The following DMD variants were observed in gnomAD, a reference collection of about 807,000 sequenced individuals.
DMD encodes the protein mutant dystrophin.
DMD carries 63 observed loss-of-function variants against 330.1 expected under a neutral mutation model. The ratio of observed to expected loss-of-function variants is 0.19; its 90% CI spans 0.16 to 0.24. The LOEUF (loss-of-function observed/expected upper bound fraction) is 0.24, where lower values mean the gene tolerates loss of function less well. Ranked by LOEUF, DMD falls within the 10% of genes least tolerant of loss-of-function variation. The pLI is 1.00. For missense variants in DMD, 3,344 were observed against 2,684.1 expected, an observed-to-expected ratio of 1.25 and a Z score of -5.43; for synonymous variants, 1,223 against 959.8, an observed-to-expected ratio of 1.27 and a Z score of -5.07.
chrX:33,169,685 T>C (rs751376067), intron 1 of DMD, among the ~76,000 whole-genome samples: 1 of 111,954 alleles, frequency 8.9e-6, no homozygotes, highest in South Asian at 3.6e-4. Context: ...TTTTTATTTG[T>C]ATTTCCTTTT....
rs1481445275 is a variant in DMD at position 32,483,164 on chromosome X, T to TATATATATATAC, written c.2803+1754_2803+1755insGTATATATATAT. Reference sequence around the variant, plus strand: ...TTCATTCCATATATATATATATATATACACCATATTTAATTAAAGGGTTAT... The same window carrying TATATATATATAC: ...TTCATTCCATATATATATATATATATATATATATATACACACCATATTTAATTAAAGGGTTAT... On this transcript the variant is annotated intron_variant, in intron 21 of 78. Coordinates refer to ENST00000357033, the MANE Select transcript of DMD (RefSeq NM_004006.3). Among the ~76,000 whole-genome samples, 305 of 61,606 alleles carry TATATATATATAC rather than the reference T, an allele frequency of 5.0e-3. 49 individuals are homozygous for TATATATATATAC. The highest frequency in any genetic ancestry group is 0.012 in the East Asian group (17 of 1,406). 53.5% of individuals were successfully genotyped at this position (61,606 alleles called of 115,157 possible).
At chrX:32,332,497 G>A (rs763297751) in intron 41 of DMD, among the ~76,000 whole-genome samples, 4 of 107,854 alleles carry the variant, frequency 3.7e-5, no homozygotes, top group South Asian at 8.2e-4. Context: ...TTTGAGTAAA[G>A]AAGTTAAGGC....
intron 55 of DMD, among the ~76,000 whole-genome samples, chrX:31,626,959 T>C (rs1238312823): frequency 1.8e-5 from 2 of 111,766 alleles, no homozygotes; most frequent in Non-Finnish European, 3.8e-5. Context: ...CAAAACTCCA[T>C]AATAGTTCAG....
At chrX:32,457,107 T>C (rs1421295605) in intron 25 of DMD, among the ~76,000 whole-genome samples, 1 of 108,621 alleles carries the variant, frequency 9.2e-6, no homozygotes, top group Non-Finnish European at 1.9e-5. Flanking sequence ...CACTTTCAAA[T>C]TTAGTGGTCA....
intron 67 of DMD, among the ~76,000 whole-genome samples, chrX:31,201,317 G>A (rs1050226967): frequency 8.9e-6 from 1 of 112,438 alleles, no homozygotes; most frequent in Non-Finnish European, 1.9e-5. Context: ...AGGCTGCAAT[G>A]AGCTGTGATC....
intron 52 of DMD, among the ~76,000 whole-genome samples, chrX:31,697,876 G>A (rs2083545380): frequency 8.9e-6 from 1 of 111,920 alleles, no homozygotes; most frequent in Admixed American, 9.5e-5. Context: ...CCCTGGATTA[G>A]CGATGAAATA....
At chrX:31,894,175 A>G (rs1015608037) in intron 47 of DMD, among the ~76,000 whole-genome samples, 1 of 112,349 alleles carries the variant, frequency 8.9e-6, no homozygotes, top group African/African-American at 3.2e-5. Flanking sequence ...GAGCAATAGA[A>G]TAGAACCTAA....
chrX:32,166,996 C>T (rs892696220), intron 44 of DMD, among the ~76,000 whole-genome samples: 1 of 111,236 alleles, frequency 9.0e-6, no homozygotes, highest in African/African-American at 3.3e-5. Flanking sequence ...ACAGATAGTC[C>T]CTAGATTACA....
chrX:32,946,618 T>G (rs764639618), intron 2 of DMD, among the ~76,000 whole-genome samples: 98 of 112,569 alleles, frequency 8.7e-4, no homozygotes, highest in African/African-American at 2.8e-3. Flanking sequence ...TTCTAGACAT[T>G]TTATAACAAA....
chrX:32,501,739 C>A lies in DMD; in HGVS notation c.2380+16G>T. The A allele has an allele frequency of 8.6e-7, 1 of 1,166,223 alleles. No individual in the cohort carries two copies. Among genetic ancestry groups the A allele is most frequent in the South Asian group, 1.8e-5 (1 of 54,931 alleles). ...AAATCCCTAAGAAGATTATCTAAAT[C>A]AACTCGTGTAATTACCATTCACCAT... On this transcript the variant is annotated intron_variant, in intron 19 of 78. Transcript: ENST00000357033.
intron 43 of DMD, among the ~76,000 whole-genome samples, chrX:32,280,133 TTATATATACAGTATATATATA>T (rs764044649): frequency 0.025 from 2,347 of 92,346 alleles, 89 homozygotes; most frequent in African/African-American, 0.09. Flanking sequence ...ATATGTGTGT[TTATATATACAGTATATATATA>T]TATATATACA....
intron 1 of DMD, among the ~76,000 whole-genome samples, chrX:33,263,423 G>C (rs1402699971): frequency 2.9e-5 from 3 of 104,786 alleles, no homozygotes; most frequent in Non-Finnish European, 3.8e-5. Context: ...ACCAGAGTCA[G>C]AGAGCTTTTT....
intron 7 of DMD, among the ~76,000 whole-genome samples, chrX:32,778,291 A>C (rs1037084263): frequency 4.6e-5 from 5 of 109,512 alleles, no homozygotes; most frequent in African/African-American, 1.7e-4. Context: ...TGAGGGAAAA[A>C]GTTTTTCCCT....
At chrX:32,099,702 T>C (rs779545274) in intron 44 of DMD, among the ~76,000 whole-genome samples, 58 of 83,474 alleles carry the variant, frequency 6.9e-4, no homozygotes, top group Admixed American at 1.8e-3. Flanking sequence ...TGAGAACACA[T>C]GGACACAGGA....
chrX:33,101,631 T>G (rs966510409), intron 1 of DMD, among the ~76,000 whole-genome samples: 2 of 109,186 alleles, frequency 1.8e-5, no homozygotes, highest in Non-Finnish European at 3.8e-5. Context: ...ACTCCATCTC[T>G]CAAAAAAAGA....
chrX:33,313,677 A>T (rs1387001555), intron 1 of DMD, among the ~76,000 whole-genome samples: 1 of 65,420 alleles, frequency 1.5e-5, no homozygotes, highest in African/African-American at 5.9e-5. Flanking sequence ...AAGTGGATGT[A>T]AAAAAAAAAA....
chrX:32,130,597 C>A (rs201191867), intron 44 of DMD, among the ~76,000 whole-genome samples: 1 of 73,206 alleles, frequency 1.4e-5, no homozygotes, highest in Admixed American at 1.3e-4. Flanking sequence ...CATGCCAGAT[C>A]TCTCCCTTCA....
At chrX:32,040,649 G>A (rs1277913055) in intron 44 of DMD, among the ~76,000 whole-genome samples, 1 of 111,410 alleles carries the variant, frequency 9.0e-6, no homozygotes, top group African/African-American at 3.3e-5. Context: ...GGCCTGATGT[G>A]GCAGTATTTC....
At chrX:32,173,948 A>G (rs1162524056) in intron 44 of DMD, among the ~76,000 whole-genome samples, 1 of 112,244 alleles carries the variant, frequency 8.9e-6, no homozygotes, top group Non-Finnish European at 1.9e-5. Flanking sequence ...CAAGGTGTAT[A>G]GAAAATTTTT....
Sources: allele counts gnomAD v4.1 joint callset (sites outside exome capture counted in the v4.1 genomes callset), GRCh38; gene constraint gnomAD v4.1.1; transcripts MANE v1.5; gene names NCBI Gene and HGNC (gene_info 2026-07-23, HGNC 2026-07-21).